The following ZNF540 variants were observed in gnomAD, a reference collection of about 807,000 sequenced individuals.
The protein encoded by ZNF540 is CTD-3064H18.6.
In ZNF540, 3 loss-of-function variants were observed where a neutral mutation model predicts 11.8. That is an observed-to-expected ratio of 0.25 (90% CI 0.12 to 0.65). The LOEUF is 0.65. Ranked by LOEUF, ZNF540 falls within the 30% of genes least tolerant of loss-of-function variation. The probability of loss-of-function intolerance (pLI) is 0.83; values close to 1 mark genes in which losing one functional copy is unlikely to be tolerated. For missense variants in ZNF540, 709 were observed against 793.1 expected, an observed-to-expected ratio of 0.89 and a Z score of 1.27; for synonymous variants, 247 against 259.0, an observed-to-expected ratio of 0.95 and a Z score of 0.45.
chr19:37,594,932 G>A lies in ZNF540; in HGVS notation c.-236G>A, dbSNP rs752975234. 3 of 152,200 alleles carry A rather than the reference G, an allele frequency of 2.0e-5. No individual in the cohort carries two copies. Among genetic ancestry groups the A allele is most frequent in the Non-Finnish European group, 2.9e-5 (2 of 68,062 alleles). 9.4% of individuals were successfully genotyped at this position (152,200 alleles called of 1,614,324 possible). A position where few individuals can be genotyped will look rare whatever the true frequency, so the allele number is the denominator to read the frequency against. On this transcript the variant is annotated 5_prime_UTR_variant, in exon 1 of 5. Transcript: ENST00000316433. The stretch of plus-strand genomic sequence containing the variant: ...AACGATCCCTGAGGCTCCCTTGCTC[G>A]AACTGTGGGACTTACCCTACTATGG...
At chr19:37,556,260 G>A (rs982938926) in intron 1 of ZNF540, 17 of 621,108 alleles carry the variant, frequency 2.7e-5, no homozygotes, top group Non-Finnish European at 4.3e-5. Context: ...TGTGAAAGAG[G>A]TGAGGAGAAA....
chr19:37,577,366 C>A (rs2147181032), intron 1 of ZNF540, among the ~76,000 whole-genome samples: 1 of 152,212 alleles, frequency 6.6e-6, no homozygotes, highest in African/African-American at 2.4e-5. Flanking sequence ...CCACTTTGAA[C>A]CAAACCTAGC....
intron 1 of ZNF540, 58 bp downstream of exon 1, chr19:37,595,153 G>A (rs2043976990): frequency 1.3e-5 from 2 of 152,266 alleles, no homozygotes; most frequent in African/African-American, 4.8e-5. Flanking sequence ...CACGATACCG[G>A]GTTGCTGCTC....
At chr19:37,597,305 G>A (rs1249684033) in intron 1 of ZNF540, 1 of 152,166 alleles carries the variant, frequency 6.6e-6, no homozygotes, top group Non-Finnish European at 1.5e-5. Flanking sequence ...GGTGAGCCCT[G>A]AGGATTGTGG....
Position 37,571,355 on chromosome 19 carries a change from G to C in ZNF540, c.-73+19690G>C, listed in dbSNP as rs1600477847. 2.0e-5 allele frequency among the ~76,000 whole-genome samples: 3 copies of C among 152,032 alleles called. No individual in the cohort carries two copies. In the South Asian group the frequency reaches 6.2e-4, roughly 32 times the overall value. On this transcript the variant is annotated intron_variant, in intron 1 of 4. Transcript: ENST00000592533. Reference sequence around the variant, plus strand: ...TACTAAAAATACAAAAATTAGACAGGGATGGTGGCAGGCACCTGTAATCCC... The same window carrying C: ...TACTAAAAATACAAAAATTAGACAGCGATGGTGGCAGGCACCTGTAATCCC...
intron 1 of ZNF540, among the ~76,000 whole-genome samples, chr19:37,557,886 C>T (rs989514250): frequency 3.3e-5 from 5 of 150,376 alleles, no homozygotes; most frequent in East Asian, 1.9e-4. Flanking sequence ...CTTGCTGTAG[C>T]GGCTACTGCT....
Position 37,598,692 on chromosome 19 carries a change from G to A in ZNF540, c.9+236G>A, listed in dbSNP as rs115320151. On this transcript the variant is annotated intron_variant, in intron 2 of 4. Coordinates refer to ENST00000316433, the MANE Select transcript of ZNF540 (RefSeq NM_001172225.3). The stretch of plus-strand genomic sequence containing the variant: ...ATGGAACAGACATGAAGTTCCTAGA[G>A]GGGGAGGTACTTTACCATCCTTTGT... Among the ~76,000 whole-genome samples the A allele has an allele frequency of 3.9e-3, 588 of 152,262 alleles. 7 individuals are homozygous for A. The highest frequency in any genetic ancestry group is 0.014 in the African/African-American group (562 of 41,540).
At chr19:37,603,989 G>A (rs2044060919) in intron 4 of ZNF540, among the ~76,000 whole-genome samples, 1 of 151,994 alleles carries the variant, frequency 6.6e-6, no homozygotes, top group Non-Finnish European at 1.5e-5. Flanking sequence ...TGCCTCTAAA[G>A]TTCTTAATTC....
At chr19:37,593,630 A>C (rs1334193360), upstream of ZNF540, among the ~76,000 whole-genome samples, 1 of 152,136 alleles carries the variant, frequency 6.6e-6, no homozygotes, top group Non-Finnish European at 1.5e-5. Context: ...GTGAACCCGG[A>C]AGGCGGAGCT....
intron 1 of ZNF540, chr19:37,584,140 T>C: frequency 6.2e-7 from 1 of 1,611,752 alleles, no homozygotes; most frequent in East Asian, 2.2e-5. Flanking sequence ...ACAGGAATGA[T>C]TCTGAAGTGA....
At chr19:37,566,167 T>G in intron 1 of ZNF540, 1 of 1,614,008 alleles carries the variant, frequency 6.2e-7, no homozygotes, top group Non-Finnish European at 8.5e-7. Flanking sequence ...CCATATTGTC[T>G]CCAAGACCAT....
intron 4 of ZNF540, among the ~76,000 whole-genome samples, chr19:37,607,421 A>T (rs536611801): frequency 5.9e-5 from 9 of 152,348 alleles, no homozygotes; most frequent in South Asian, 2.1e-4. Flanking sequence ...CAATTGCAGT[A>T]TCATACAGAG....
chr19:37,592,371 T>C (rs1233650979), upstream of ZNF540, among the ~76,000 whole-genome samples: 2 of 152,234 alleles, frequency 1.3e-5, no homozygotes, highest in Non-Finnish European at 2.9e-5. Context: ...TTTTAGATAC[T>C]TTTCTCTAAT....
At chr19:37,568,324 C>CT (rs370359668) in intron 1 of ZNF540, among the ~76,000 whole-genome samples, 2 of 150,726 alleles carry the variant, frequency 1.3e-5, no homozygotes, top group East Asian at 4.0e-4. Flanking sequence ...ACTACCCCCC[C>CT]CCACTTGCCA....
intron 1 of ZNF540, chr19:37,565,260 G>A (rs111395269): frequency 1.2e-6 from 2 of 1,611,738 alleles, no homozygotes; most frequent in South Asian, 2.2e-5. Flanking sequence ...CATTTATAAG[G>A]TCTCTCACCT....
intron 1 of ZNF540, chr19:37,563,549 GTGGAATATATACATATATGGTATA>G (rs1568337053): frequency 1.3e-5 from 2 of 151,830 alleles, no homozygotes; most frequent in African/African-American, 4.8e-5. Flanking sequence ...GAATACATAT[GTGGAATATATACATATATGGTATA>G]TGGAATATAT....
rs1045190214 is a variant in ZNF540, at chr19:37,569,557, A to G, written c.-73+17892A>G. Among the ~76,000 whole-genome samples the G allele has an allele frequency of 1.3e-5, 2 of 152,150 alleles. No homozygotes were observed. Among genetic ancestry groups the G allele is most frequent in the African/African-American group, 4.8e-5 (2 of 41,432 alleles). On this transcript the variant is annotated intron_variant, in intron 1 of 4. Coordinates refer to the ZNF540 transcript ENST00000592533. This position sits in a 1 kb window ranked among gnomAD's most constrained non-coding sequence, Gnocchi z 4.4. ...TTTGCTATATGTATTATATATTCAT[A>G]TTTTGTTATTTTATCTCCTGTTTTA...
upstream of ZNF540, among the ~76,000 whole-genome samples, chr19:37,593,136 T>TA (rs546105621): frequency 3.5e-4 from 53 of 152,276 alleles, no homozygotes; most frequent in East Asian, 9.5e-3. Context: ...TTTTTTTTTT[T>TA]ATGTTGGTAT....
chr19:37,555,865 T>A (rs2042653367), intron 1 of ZNF540: 1 of 700,284 alleles, frequency 1.4e-6, no homozygotes, highest in Non-Finnish European at 2.6e-6. Flanking sequence ...TTCTAGTACA[T>A]AATTTAGGAC....
Sources: gnomAD v4.1 joint callset for allele counts (sites outside exome capture counted in the v4.1 genomes callset) on GRCh38, gnomAD v4.1.1 for gene constraint, Gnocchi (gnomAD v3.1) non-coding constraint, MANE v1.5 for transcripts, NCBI Gene and HGNC (gene_info 2026-07-23, HGNC 2026-07-21) for gene names.